TCN2: variants seen among roughly 807,000 people sequenced by gnomAD.
TCN2 encodes transcobalamin-2.
Under a neutral mutation model 48.6 loss-of-function variants are expected in TCN2, and 34 were observed. The observed-to-expected ratio is 0.70, with a 90% CI of 0.53 to 0.93. The LOEUF (loss-of-function observed/expected upper bound fraction) is 0.93. Ranked by LOEUF, TCN2 falls within the 40% of genes least tolerant of loss-of-function variation. The probability of loss-of-function intolerance (pLI) is 0.00; values close to 1 mark genes in which losing one functional copy is unlikely to be tolerated. For missense variants in TCN2, 652 were observed against 526.1 expected, an observed-to-expected ratio of 1.24 and a Z score of -2.34; for synonymous variants, 283 against 212.5, an observed-to-expected ratio of 1.33 and a Z score of -2.89.
chr22:30,613,119 A>G (rs1485986054), intron 3 of TCN2, 77 bp downstream of exon 3: 4 of 1,567,808 alleles, frequency 2.6e-6, no homozygotes, highest in Non-Finnish European at 3.5e-6. Context: ...TGAGAATCAG[A>G]ACTTTGGGTT....
At chr22:30,615,526 AG>A in intron 5 of TCN2, 53 bp downstream of exon 5, 1 of 1,613,884 alleles carries the variant, frequency 6.2e-7, no homozygotes. Context: ...TCAGGGGTGG[AG>A]TGGTCAGGTG....
chr22:30,607,179 C>T lies in TCN2; in HGVS notation c.-153C>T. The T allele has an allele frequency of 2.4e-6, 2 of 835,566 alleles. No homozygotes were observed. Among genetic ancestry groups the T allele is most frequent in the East Asian group, 5.1e-5 (2 of 39,244 alleles). The allele number at this position is 835,566 out of a possible 1,614,324, so 51.8% of individuals were successfully genotyped here. A position where few individuals can be genotyped will look rare whatever the true frequency, so the allele number is the denominator to read the frequency against. ...TTCCCCCGCCCCACCCCTCTGCAGA[C>T]TTAGCCGTGCATTGCAGGCATGGAG... is the stretch of plus-strand genomic sequence containing the variant. On this transcript the variant is annotated 5_prime_UTR_variant, in exon 1 of 9. Transcript: ENST00000215838.
chr22:30,615,252 G>A, intron 4 of TCN2, 49 bp from the exon 5 acceptor site: 1 of 1,608,612 alleles, frequency 6.2e-7, no homozygotes, highest in Non-Finnish European at 8.5e-7. Flanking sequence ...TGCCTGTCCT[G>A]GCCCCTTTGG....
At chr22:30,615,875 A>G in intron 6 of TCN2, 88 bp downstream of exon 6, 1 of 1,543,234 alleles carries the variant, frequency 6.5e-7, no homozygotes, top group Non-Finnish European at 8.9e-7. Flanking sequence ...CTTCATCCTG[A>G]TTTGCTGAGT....
intron 7 of TCN2, among the ~76,000 whole-genome samples, chr22:30,619,481 T>C (rs913153203): frequency 2.0e-5 from 3 of 152,238 alleles, no homozygotes; most frequent in Admixed American, 6.5e-5. Context: ...CACCCTGAGC[T>C]TAGAATAGTT....
intron 8 of TCN2, among the ~76,000 whole-genome samples, chr22:30,626,101 G>C (rs1245177030): frequency 6.6e-6 from 1 of 152,248 alleles, no homozygotes; most frequent in Non-Finnish European, 1.5e-5. Flanking sequence ...TCCTCCTAGA[G>C]CCTGGATTCT....
At position 30,611,201 on chromosome 22, in the gene TCN2, G is replaced by A. The variant is rs531696845; in HGVS notation, c.257+138G>A. 1,186 of 1,035,188 alleles carry A rather than the reference G, an allele frequency of 1.1e-3. 10 individuals are homozygous for A. In the South Asian group the frequency reaches 0.015, roughly 13 times the overall value. The allele number at this position is 1,035,188 out of a possible 1,614,324, so 64.1% of individuals were successfully genotyped here. On this transcript the variant is annotated intron_variant, in intron 2 of 8. Coordinates refer to ENST00000215838, the MANE Select transcript of TCN2 (RefSeq NM_000355.4). ...TCCATCTATAGAATGGAGGACCTTTGTCCATCTATAGAATGAAGGGGTTGG... is the reference window on the plus strand; with the variant it reads ...TCCATCTATAGAATGGAGGACCTTTATCCATCTATAGAATGAAGGGGTTGG...
intron 3 of TCN2, among the ~76,000 whole-genome samples, chr22:30,614,037 C>T (rs1375861335): frequency 4.6e-5 from 7 of 152,222 alleles, no homozygotes; most frequent in African/African-American, 1.7e-4. Flanking sequence ...AGAATCCTGC[C>T]TTGACTTCCC....
At chr22:30,623,941 C>CACACATATATGTATACATATAT in intron 8 of TCN2, among the ~76,000 whole-genome samples, 2 of 90,674 alleles carry the variant, frequency 2.2e-5, no homozygotes, top group East Asian at 5.7e-4. Flanking sequence ...CATATATACA[C>CACACATATATGTATACATATAT]ACACACATAT....
At chr22:30,612,832 G>T (rs752960477) in intron 2 of TCN2, 41 bp from the exon 3 acceptor site, 1 of 1,611,232 alleles carries the variant, frequency 6.2e-7, no homozygotes. Flanking sequence ...GGCTTACGGG[G>T]TGGCAGTTTC....
rs747578310 is a variant in TCN2 at position 30,617,388 on chromosome 22, G to A, written c.999G>A (p.Thr333=). Residue 333 remains threonine, a synonymous_variant, in exon 7 of 9, where the codon ACG becomes ACA. Coordinates refer to ENST00000215838, the MANE Select transcript of TCN2 (RefSeq NM_000355.4). ...AGACCCAAGAGATCATCAGTGTCAC[G>A]CTGCAGGTGCTTAGTCTCTTGCCGC... The part of the protein sequence containing the change: ...IPQTQEIISV[T]LQVLSLLPPY... The A allele has an allele frequency of 1.4e-5, 23 of 1,613,986 alleles. No individual in the cohort carries two copies. The highest frequency in any genetic ancestry group is 4.0e-5 in the African/African-American group (3 of 74,904).
intron 2 of TCN2, 77 bp downstream of exon 2, chr22:30,611,140 G>C (rs1327798715): frequency 6.3e-7 from 1 of 1,594,708 alleles, no homozygotes; most frequent in Non-Finnish European, 8.6e-7. Flanking sequence ...GTTTGGGCCT[G>C]TCACCACTTT....
intron 2 of TCN2, among the ~76,000 whole-genome samples, chr22:30,611,438 CTG>C (rs1223513969): frequency 3.3e-5 from 5 of 152,232 alleles, no homozygotes; most frequent in African/African-American, 1.2e-4. Flanking sequence ...GCATCTGACT[CTG>C]TATGCTCCCC....
intron 8 of TCN2, chr22:30,623,292 A>T (rs2087725364): frequency 4.2e-6 from 2 of 481,306 alleles, no homozygotes; most frequent in South Asian, 5.8e-5. Flanking sequence ...AACCAGACAG[A>T]TTACAAAAAA....
intron 8 of TCN2, among the ~76,000 whole-genome samples, chr22:30,623,803 T>TATACAC (rs57088816): frequency 0.043 from 2,627 of 61,568 alleles, 903 homozygotes; most frequent in Non-Finnish European, 0.051. Flanking sequence ...TATACACACA[T>TATACAC]ACACATATAT....
chr22:30,620,723 G>C (rs1428749265), intron 7 of TCN2, among the ~76,000 whole-genome samples: 1 of 152,172 alleles, frequency 6.6e-6, no homozygotes, highest in African/African-American at 2.4e-5. Flanking sequence ...GGGATCTCTG[G>C]GAAGACACTG....
chr22:30,610,171 C>G, intron 1 of TCN2: 1 of 469,150 alleles, frequency 2.1e-6, no homozygotes, highest in South Asian at 1.6e-5. Context: ...AGGTAAACGG[C>G]TGCAAGCTGT....
rs182530551 is a variant in TCN2, at chr22:30,612,598, A to G, written c.258-275A>G. 1.4e-3 allele frequency among the ~76,000 whole-genome samples: 206 copies of G among 152,268 alleles called. 4 individuals are homozygous for G. The highest frequency in any genetic ancestry group is 4.0e-3 in the African/African-American group (166 of 41,556). ...AAAAAAATAAAAAAGGAGGGGGCATATGGGTGAAGTATGGACAAAATAGTG... is the reference window on the plus strand; with the variant it reads ...AAAAAAATAAAAAAGGAGGGGGCATGTGGGTGAAGTATGGACAAAATAGTG... On this transcript the variant is annotated intron_variant, in intron 2 of 8. Coordinates refer to ENST00000215838, the MANE Select transcript of TCN2 (RefSeq NM_000355.4).
In TCN2 at chr22:30,626,823, C is replaced by A. The variant is rs1032; in HGVS notation, c.*302C>A. 1 of 517,836 alleles carries A rather than the reference C, an allele frequency of 1.9e-6. No individual in the cohort carries two copies. The highest frequency in any genetic ancestry group is 3.4e-5 in the East Asian group (1 of 29,596). The allele number at this position is 517,836 out of a possible 1,614,324, so 32.1% of individuals were successfully genotyped here. Reference sequence around the variant, plus strand: ...GATGGGCATGAAGCATCTCAGACTCCTTGGCAAAAAACGGAGTCCGCAGGC... The same window carrying A: ...GATGGGCATGAAGCATCTCAGACTCATTGGCAAAAAACGGAGTCCGCAGGC... On this transcript the variant is annotated 3_prime_UTR_variant, in exon 9 of 9. Coordinates refer to ENST00000215838, the MANE Select transcript of TCN2 (RefSeq NM_000355.4).
Sources: allele counts gnomAD v4.1 joint callset (sites outside exome capture counted in the v4.1 genomes callset), GRCh38; gene constraint gnomAD v4.1.1; transcripts MANE v1.5; gene names NCBI Gene and HGNC (gene_info 2026-07-23, HGNC 2026-07-21).